Variants in FGD4 observed in about 807,000 individuals in gnomAD.
The protein encoded by FGD4 is FYVE, RhoGEF and PH domain-containing protein 4.
A neutral mutation model predicts 102.0 loss-of-function variants in FGD4; 42 were observed. That is an observed-to-expected ratio of 0.41 (90% CI 0.32 to 0.53). The LOEUF (loss-of-function observed/expected upper bound fraction) is 0.53, where lower values mean the gene tolerates loss of function less well. Ranked by LOEUF, FGD4 falls within the 20% of genes least tolerant of loss-of-function variation. The probability of loss-of-function intolerance (pLI) is 0.21; values close to 1 mark genes in which losing one functional copy is unlikely to be tolerated. For synonymous variants in FGD4, 380 were observed against 375.7 expected, an observed-to-expected ratio of 1.01 and a Z score of -0.13; for missense variants, 902 against 1,078.2, an observed-to-expected ratio of 0.84 and a Z score of 2.29.
chr12:32,481,084 T>C (rs949238856), intron 1 of FGD4, among the ~76,000 whole-genome samples: 8 of 126,514 alleles, frequency 6.3e-5, no homozygotes, highest in East Asian at 2.4e-4. Context: ...GCTGAGATAG[T>C]GCCACTGTAC....
At chr12:32,530,102 T>A (rs1386610349) in intron 1 of FGD4, among the ~76,000 whole-genome samples, 1 of 152,146 alleles carries the variant, frequency 6.6e-6, no homozygotes, top group Non-Finnish European at 1.5e-5. Context: ...TGATTTCAGA[T>A]CATTTCCATG....
At chr12:32,444,454 G>A (rs923322697) in intron 1 of FGD4, among the ~76,000 whole-genome samples, 3 of 152,032 alleles carry the variant, frequency 2.0e-5, no homozygotes, top group African/African-American at 7.2e-5. Flanking sequence ...GCTCAGGCTG[G>A]AGTGCAGTGG....
intron 1 of FGD4, among the ~76,000 whole-genome samples, chr12:32,464,685 G>C (rs1943204609): frequency 6.6e-6 from 1 of 152,200 alleles, no homozygotes; most frequent in Non-Finnish European, 1.5e-5. Flanking sequence ...TCTGAAGATA[G>C]ATGCTATTAA....
intron 1 of FGD4, among the ~76,000 whole-genome samples, chr12:32,516,333 G>C (rs141646724): frequency 3.8e-4 from 58 of 152,050 alleles, no homozygotes; most frequent in African/African-American, 1.2e-3. Flanking sequence ...TTATAGAGAG[G>C]GAGTTCCACT....
chr12:32,634,630 A>G (rs1213959466), intron 15 of FGD4, among the ~76,000 whole-genome samples: 1 of 152,226 alleles, frequency 6.6e-6, no homozygotes, highest in African/African-American at 2.4e-5. Flanking sequence ...TGGAAAGTCT[A>G]TAGAAGAATA....
Position 32,640,857 on chromosome 12 carries a change from C to A in FGD4, c.*324C>A. The A allele has an allele frequency of 1.8e-6, 1 of 557,238 alleles. No individual in the cohort carries two copies. The highest frequency in any genetic ancestry group is 3.2e-6 in the Non-Finnish European group (1 of 313,922). 34.5% of individuals were successfully genotyped at this position (557,238 alleles called of 1,614,324 possible). On this transcript the variant is annotated 3_prime_UTR_variant, in exon 17 of 17. Coordinates refer to ENST00000534526, the MANE Select transcript of FGD4 (RefSeq NM_001370298.3). The stretch of plus-strand genomic sequence containing the variant: ...GAATGAGCACTTCCATTTAAGAAAT[C>A]CTTTCATGTCTTCTTCTCTTTCACA...
intron 1 of FGD4, among the ~76,000 whole-genome samples, chr12:32,532,843 A>T (rs539440286): frequency 2.0e-5 from 3 of 152,316 alleles, no homozygotes; most frequent in Admixed American, 6.5e-5. Context: ...TTTTTTCTCC[A>T]TGTACTATTA....
chr12:32,579,052 T>TG (rs1317633720), intron 3 of FGD4, among the ~76,000 whole-genome samples: 14 of 141,262 alleles, frequency 9.9e-5, no homozygotes, highest in Non-Finnish European at 2.0e-4. Context: ...TTTTTTTTTT[T>TG]TTTTTTTTTT....
chr12:32,532,180 C>T (rs1360712857), intron 1 of FGD4, among the ~76,000 whole-genome samples: 1 of 152,068 alleles, frequency 6.6e-6, no homozygotes, highest in Non-Finnish European at 1.5e-5. Flanking sequence ...AAGAGATTAA[C>T]AGCAATAGCA....
intron 15 of FGD4, among the ~76,000 whole-genome samples, chr12:32,636,116 T>G (rs1396376783): frequency 6.6e-6 from 1 of 152,072 alleles, no homozygotes; most frequent in African/African-American, 2.4e-5. Flanking sequence ...GAAGTTAGCG[T>G]TCCCTATCAT....
At chr12:32,586,170 TAAGAATATAC>T (rs1329985198) in intron 4 of FGD4, among the ~76,000 whole-genome samples, 1 of 152,230 alleles carries the variant, frequency 6.6e-6, no homozygotes, top group Non-Finnish European at 1.5e-5. Context: ...GAATGCCTGT[TAAGAATATAC>T]ATATTTTTTT....
chr12:32,635,676 A>G (rs1448039231), intron 15 of FGD4, among the ~76,000 whole-genome samples: 1 of 151,972 alleles, frequency 6.6e-6, no homozygotes, highest in Non-Finnish European at 1.5e-5. Flanking sequence ...AAATTTCCAC[A>G]ATTTTTTTTT....
At chr12:32,511,722 C>G (rs185521691) in intron 1 of FGD4, 1 of 152,242 alleles carries the variant, frequency 6.6e-6, no homozygotes, top group East Asian at 1.9e-4. Context: ...TTCTTTGAAA[C>G]TACACAGAAC....
chr12:32,595,478 T>C (rs1472157553), intron 4 of FGD4, among the ~76,000 whole-genome samples: 4 of 152,162 alleles, frequency 2.6e-5, no homozygotes, highest in Admixed American at 2.6e-4. Context: ...GTCTTCCCAT[T>C]GGGCTCTGCC....
rs1329684468 is a variant in FGD4 at position 32,399,782 on chromosome 12, G to A, written c.-12G>A. 3 of 1,529,050 alleles carry A rather than the reference G, an allele frequency of 2.0e-6. No homozygotes were observed. The highest frequency in any genetic ancestry group is 1.4e-5 in the African/African-American group (1 of 71,926). 94.7% of individuals were successfully genotyped at this position (1,529,050 alleles called of 1,614,324 possible). On this transcript the variant is annotated 5_prime_UTR_variant, in exon 1 of 17. Coordinates refer to ENST00000534526, the MANE Select transcript of FGD4 (RefSeq NM_001370298.3). ...CGGGAGGAGTCGGGGAGCGGCGGTC[G>A]AGCCCGGCAGGATGAGCGACGAGGG...
intron 1 of FGD4, among the ~76,000 whole-genome samples, chr12:32,528,477 CTCCCAGCT>C (rs1036094645): frequency 1.3e-5 from 2 of 152,186 alleles, no homozygotes; most frequent in Non-Finnish European, 2.9e-5. Context: ...CAACCTCTGC[CTCCCAGCT>C]TCAAGCAATT....
At chr12:32,570,869 G>T (rs1336812349) in intron 2 of FGD4, among the ~76,000 whole-genome samples, 2 of 152,134 alleles carry the variant, frequency 1.3e-5, no homozygotes, top group African/African-American at 4.8e-5. Flanking sequence ...GAAGAGCCAA[G>T]GATGGCAGAA....
intron 1 of FGD4, among the ~76,000 whole-genome samples, chr12:32,519,987 T>A (rs1940332708): frequency 6.6e-6 from 1 of 152,276 alleles, no homozygotes; most frequent in South Asian, 2.1e-4. Flanking sequence ...AGTTTTAGTA[T>A]GTTTTAGAGT....
At chr12:32,401,448 C>CG (rs1940657978) in intron 1 of FGD4, among the ~76,000 whole-genome samples, 1 of 151,900 alleles carries the variant, frequency 6.6e-6, no homozygotes, top group African/African-American at 2.4e-5. Context: ...TTAGTAGATA[C>CG]GGGGGTTTCA....
Sources: gnomAD v4.1 joint callset for allele counts (sites outside exome capture counted in the v4.1 genomes callset) on GRCh38, gnomAD v4.1.1 for gene constraint, MANE v1.5 for transcripts, NCBI Gene and HGNC (gene_info 2026-07-23, HGNC 2026-07-21) for gene names.